RASA1: variants seen among roughly 807,000 people sequenced by gnomAD.
The protein encoded by RASA1 is RAS p21 protein activator 1, also known as ras GTPase-activating protein 1.
Under a neutral mutation model 132.2 loss-of-function variants are expected in RASA1, and 25 were observed. The observed-to-expected ratio is 0.19, with a 90% CI of 0.14 to 0.26. RASA1 has a LOEUF of 0.26. RASA1 is among the 10% of genes least tolerant of loss of function. The pLI is 1.00. For missense variants in RASA1, 964 were observed against 1,299.2 expected (o/e 0.74, Z 3.97); for synonymous variants, 477 against 449.9 (o/e 1.06, Z -0.76).
chr5:87,382,527 G>A (rs1761791475), intron 20 of RASA1, among the ~76,000 whole-genome samples: 1 of 152,058 alleles, frequency 6.6e-6, no homozygotes, highest in African/African-American at 2.4e-5. Flanking sequence ...GTCTTTACAT[G>A]GGGCAAGTAA....
chr5:87,340,249 T>G (rs911745548), intron 5 of RASA1, among the ~76,000 whole-genome samples: 3 of 152,278 alleles, frequency 2.0e-5, no homozygotes, highest in Non-Finnish European at 2.9e-5. Flanking sequence ...AGAGGATTTA[T>G]GCCTTTCTGG....
At chr5:87,341,231 T>G (rs565417630) in intron 5 of RASA1, 59 bp from the exon 6 acceptor site, 2 of 1,019,340 alleles carry the variant, frequency 2.0e-6, no homozygotes, top group Admixed American at 4.1e-5. Flanking sequence ...TCATGAATTT[T>G]AATAAAAATT....
intron 9 of RASA1, among the ~76,000 whole-genome samples, 155 bp downstream of exon 9, chr5:87,353,390 T>G (rs1286781348): frequency 1.3e-5 from 2 of 152,072 alleles, no homozygotes; most frequent in East Asian, 3.9e-4. Context: ...TAAGAATCTT[T>G]TAGTTTTTAT....
chr5:87,318,295 G>C (rs1756501698), intron 1 of RASA1: 1 of 152,136 alleles, frequency 6.6e-6, no homozygotes, highest in African/African-American at 2.4e-5. Flanking sequence ...GGCCAGTATA[G>C]GGGAACATGT....
chr5:87,288,167 A>G (rs550006568), intron 1 of RASA1, among the ~76,000 whole-genome samples: 2 of 148,678 alleles, frequency 1.3e-5, no homozygotes, highest in East Asian at 2.0e-4. Flanking sequence ...CCATATATAT[A>G]CACACCATAT....
Position 87,268,865 on chromosome 5 carries a change from C to T in RASA1, c.414C>T (p.Pro138=), listed in dbSNP as rs762661391. The change falls in exon 1 of 25, where the codon CCC becomes CCT. Residue 138 remains proline (P), a synonymous_variant. Transcript: ENST00000274376. ...CAGGCGGCGGTTTTCCCCCTCTGCC[C>T]CCTCCCCCTTACCTGCCCCCTTTGG... The part of the protein sequence containing the change: ...LGPGGGFPPL[P]PPPYLPPLGA... The T allele has an allele frequency of 1.2e-6, 2 of 1,614,162 alleles. No homozygotes were observed. Among genetic ancestry groups the T allele is most frequent in the Non-Finnish European group, 8.5e-7 (1 of 1,180,022 alleles).
intron 1 of RASA1, among the ~76,000 whole-genome samples, chr5:87,283,405 G>A (rs1309145427): frequency 6.6e-6 from 1 of 151,548 alleles, no homozygotes; most frequent in Non-Finnish European, 1.5e-5. Flanking sequence ...TGATGGGTGA[G>A]TTTTGATTGT....
At chr5:87,335,896 A>T (rs1336001536) in intron 4 of RASA1, among the ~76,000 whole-genome samples, 1 of 152,224 alleles carries the variant, frequency 6.6e-6, no homozygotes, top group Non-Finnish European at 1.5e-5. Flanking sequence ...GAATGCATAA[A>T]GTTCACTGAT....
chr5:87,313,880 TG>T (rs1315138548), intron 1 of RASA1, among the ~76,000 whole-genome samples: 1 of 152,070 alleles, frequency 6.6e-6, no homozygotes, highest in Non-Finnish European at 1.5e-5. Flanking sequence ...TGAAAATGCA[TG>T]TTTGGGCCGG....
chr5:87,354,175 CTAAAGA>C (rs1371138986), intron 9 of RASA1, among the ~76,000 whole-genome samples: 1 of 151,968 alleles, frequency 6.6e-6, no homozygotes, highest in African/African-American at 2.4e-5. Flanking sequence ...TAATCTGAAG[CTAAAGA>C]TAAATTCAAG....
intron 16 of RASA1, 44 bp from the exon 17 acceptor site, chr5:87,376,837 A>G: frequency 6.5e-7 from 1 of 1,534,314 alleles, no homozygotes; most frequent in Middle Eastern, 1.7e-4. Context: ...GAGCATGCTT[A>G]TAATGCTACG....
At chr5:87,307,492 C>T (rs1755672950) in intron 1 of RASA1, among the ~76,000 whole-genome samples, 1 of 146,056 alleles carries the variant, frequency 6.8e-6, no homozygotes, top group East Asian at 2.0e-4. Context: ...ACAACAACAA[C>T]ACAAAACTGC....
intron 9 of RASA1, among the ~76,000 whole-genome samples, chr5:87,356,068 G>A (rs538694231): frequency 5.3e-5 from 8 of 152,226 alleles, no homozygotes; most frequent in East Asian, 1.9e-4. Flanking sequence ...TCCTGTGATC[G>A]CTACTGAAAT....
chr5:87,327,650 GTTTTCACATTC>G (rs565632644), intron 1 of RASA1, among the ~76,000 whole-genome samples: 20 of 152,268 alleles, frequency 1.3e-4, no homozygotes, highest in Admixed American at 5.9e-4. Context: ...AGCCTAAACT[GTTTTCACATTC>G]TTTTCACATG....
chr5:87,338,150 T>C, intron 5 of RASA1, 59 bp downstream of exon 5: 1 of 1,604,284 alleles, frequency 6.2e-7, no homozygotes, highest in Non-Finnish European at 8.5e-7. Context: ...AATTTGGATC[T>C]TGTCCGTAAT....
intron 14 of RASA1, 32 bp downstream of exon 14, chr5:87,374,352 T>G (rs184136975): frequency 6.3e-7 from 1 of 1,576,520 alleles, no homozygotes; most frequent in African/African-American, 1.4e-5. Context: ...CATTAATCAT[T>G]TTCTTTTACC....
chr5:87,323,440 G>T (rs1172232568), intron 1 of RASA1, among the ~76,000 whole-genome samples: 1 of 152,086 alleles, frequency 6.6e-6, no homozygotes, highest in African/African-American at 2.4e-5. Context: ...CTGTTCCCCT[G>T]CCCTGTGCTC....
At chr5:87,328,960 G>A (rs1180478384) in intron 1 of RASA1, among the ~76,000 whole-genome samples, 1 of 131,038 alleles carries the variant, frequency 7.6e-6, no homozygotes, top group Admixed American at 7.5e-5. Context: ...CAAGCTGATG[G>A]CTGGATAATT....
chr5:87,363,341 TAAACAG>T lies in RASA1; in HGVS notation c.1454-6_1454-1del. ...GCTAAGAGAAAACAATTTTTTTTTT[TAAACAG>T]GCAAAGGAAAACGTTGGAAAAATTT... On this transcript the variant is annotated splice_acceptor_variant and splice_polypyrimidine_tract_variant and intron_variant, in intron 10 of 24. Transcript: ENST00000274376. LOFTEE classifies it high-confidence loss of function. The T allele has an allele frequency of 6.3e-7, 1 of 1,596,914 alleles. No homozygotes were observed. The highest frequency in any genetic ancestry group is 1.7e-5 in the Admixed American group (1 of 59,774).
Sources: gnomAD v4.1 joint callset for allele counts (sites outside exome capture counted in the v4.1 genomes callset) on GRCh38, gnomAD v4.1.1 for gene constraint, MANE v1.5 for transcripts, NCBI Gene and HGNC (gene_info 2026-07-23, HGNC 2026-07-21) for gene names.